The following MAGI1 variants were observed in gnomAD, a reference collection of about 807,000 sequenced individuals.
MAGI1 encodes the protein membrane-associated guanylate kinase, WW and PDZ domain-containing protein 1.
Under a neutral mutation model 139.9 loss-of-function variants are expected in MAGI1, and 58 were observed. That is an observed-to-expected ratio of 0.41 (90% CI 0.34 to 0.52). The LOEUF is 0.52. Ranked by LOEUF, MAGI1 falls within the 20% of genes least tolerant of loss-of-function variation. The probability of loss-of-function intolerance (pLI) is 0.12; values close to 1 mark genes in which losing one functional copy is unlikely to be tolerated. For synonymous variants in MAGI1, 812 were observed against 737.9 expected (o/e 1.10, Z -1.63); for missense variants, 1,874 against 1,901.6 (o/e 0.99, Z 0.27).
chr3:65,863,800 T>G (rs1382813532), intron 1 of MAGI1, among the ~76,000 whole-genome samples: 1 of 152,176 alleles, frequency 6.6e-6, no homozygotes, highest in Non-Finnish European at 1.5e-5. Flanking sequence ...AATTAAATAT[T>G]ATACATCTAT....
chr3:65,884,594 C>T (rs1268512202), intron 1 of MAGI1, among the ~76,000 whole-genome samples: 1 of 151,968 alleles, frequency 6.6e-6, no homozygotes, highest in Non-Finnish European at 1.5e-5. Context: ...ATTTTCTTTT[C>T]TTTTTTCTTT....
At chr3:65,408,078 T>A in intron 12 of MAGI1, among the ~76,000 whole-genome samples, 1 of 152,088 alleles carries the variant, frequency 6.6e-6, no homozygotes, top group East Asian at 1.9e-4. Context: ...TTTCAGGGAG[T>A]CTTTGAAACC....
At chr3:65,734,483 G>C (rs1437660790) in intron 1 of MAGI1, among the ~76,000 whole-genome samples, 1 of 146,582 alleles carries the variant, frequency 6.8e-6, no homozygotes, top group African/African-American at 2.5e-5. Flanking sequence ...AGAAAGAAGA[G>C]AAAGAAAGAG....
At chr3:65,822,596 A>T (rs2042007919) in intron 1 of MAGI1, among the ~76,000 whole-genome samples, 1 of 152,166 alleles carries the variant, frequency 6.6e-6, no homozygotes, top group Non-Finnish European at 1.5e-5. Context: ...TATAAAGAAA[A>T]GGCGTTTAAC....
intron 1 of MAGI1, among the ~76,000 whole-genome samples, chr3:65,930,060 T>C (rs1318081926): frequency 6.6e-6 from 1 of 152,076 alleles, no homozygotes; most frequent in Non-Finnish European, 1.5e-5. Context: ...CTCACACCTG[T>C]AATCCCAGCA....
chr3:65,488,421 C>T (rs1233924177), intron 3 of MAGI1, among the ~76,000 whole-genome samples: 1 of 151,992 alleles, frequency 6.6e-6, no homozygotes, highest in East Asian at 1.9e-4. Context: ...ACTGCAACAT[C>T]TGCCTCTTGG....
At chr3:65,581,725 C>T (rs1396811605) in intron 2 of MAGI1, among the ~76,000 whole-genome samples, 1 of 152,186 alleles carries the variant, frequency 6.6e-6, no homozygotes, top group Non-Finnish European at 1.5e-5. Context: ...TCAGCATACC[C>T]AATACCCCTT....
chr3:65,431,410 G>A (rs1372359915), intron 10 of MAGI1, among the ~76,000 whole-genome samples: 2 of 152,088 alleles, frequency 1.3e-5, no homozygotes, highest in African/African-American at 4.8e-5. Flanking sequence ...TGACAAAAAT[G>A]TAGAATGACT....
intron 1 of MAGI1, among the ~76,000 whole-genome samples, chr3:65,766,210 G>A (rs2037459611): frequency 6.6e-6 from 1 of 152,144 alleles, no homozygotes; most frequent in Non-Finnish European, 1.5e-5. Context: ...GGGTAAAGTG[G>A]GGGATACCTT....
chr3:65,924,442 A>G (rs1576078892), intron 1 of MAGI1, among the ~76,000 whole-genome samples: 1 of 152,236 alleles, frequency 6.6e-6, no homozygotes, highest in Admixed American at 6.5e-5. Flanking sequence ...AATTTCTAGC[A>G]TCAAACCAAG....
intron 1 of MAGI1, among the ~76,000 whole-genome samples, chr3:65,742,310 C>T (rs528120005): frequency 6.6e-5 from 10 of 152,244 alleles, no homozygotes; most frequent in East Asian, 1.9e-4. Flanking sequence ...AGAACTCCTG[C>T]GCCCATGTTT....
At chr3:65,839,976 G>T (rs7636130) in intron 1 of MAGI1, among the ~76,000 whole-genome samples, 2,973 of 152,112 alleles carry the variant, frequency 0.02, 96 homozygotes, top group African/African-American at 0.067. Flanking sequence ...ACTAAATCTG[G>T]TATATATTTT....
intron 2 of MAGI1, among the ~76,000 whole-genome samples, chr3:65,528,554 T>C (rs17353211): frequency 0.17 from 25,367 of 152,232 alleles, 2,311 homozygotes; most frequent in Middle Eastern, 0.24. Context: ...CATCTCAATT[T>C]CTGAACCTGT....
intron 1 of MAGI1, among the ~76,000 whole-genome samples, chr3:65,749,389 G>A (rs1219335620): frequency 2.0e-5 from 3 of 152,154 alleles, no homozygotes; most frequent in Non-Finnish European, 2.9e-5. Flanking sequence ...GATGAGATGG[G>A]AGGCTATTAT....
intron 1 of MAGI1, among the ~76,000 whole-genome samples, chr3:65,951,024 GAA>G (rs767408477): frequency 0.064 from 6,433 of 100,870 alleles, 653 homozygotes; most frequent in Non-Finnish European, 0.097. Context: ...AGGAAGGAAG[GAA>G]GGAAGGAAGG....
At chr3:65,698,920 A>T (rs1411935145) in intron 1 of MAGI1, among the ~76,000 whole-genome samples, 1 of 132,986 alleles carries the variant, frequency 7.5e-6, no homozygotes, top group African/African-American at 3.1e-5. Context: ...AAAAGAAACT[A>T]CCATCAGAGT....
chr3:65,981,520 C>T (rs2065580194), intron 1 of MAGI1, among the ~76,000 whole-genome samples: 2 of 152,166 alleles, frequency 1.3e-5, no homozygotes, highest in Non-Finnish European at 2.9e-5. Flanking sequence ...CCCTCACAGA[C>T]TTATAAAATA....
chr3:65,669,154 C>T (rs547897808), intron 1 of MAGI1, among the ~76,000 whole-genome samples: 3 of 152,230 alleles, frequency 2.0e-5, no homozygotes, highest in Non-Finnish European at 4.4e-5. Flanking sequence ...CCAGGCTGGA[C>T]TTGAAATCCT....
At chr3:65,449,882 T>C (rs1253508308) in intron 6 of MAGI1, among the ~76,000 whole-genome samples, 1 of 152,134 alleles carries the variant, frequency 6.6e-6, no homozygotes, top group African/African-American at 2.4e-5. Flanking sequence ...CAGAGTAAGA[T>C]ACATGAGTGA....
Sources: allele counts gnomAD v4.1 joint callset (sites outside exome capture counted in the v4.1 genomes callset), GRCh38; gene constraint gnomAD v4.1.1; transcripts MANE v1.5; gene names NCBI Gene and HGNC (gene_info 2026-07-23, HGNC 2026-07-21).